The following CPSF4 variants were observed in gnomAD, a reference collection of about 807,000 sequenced individuals.
CPSF4 encodes the protein cleavage and polyadenylation specificity factor subunit 4.
CPSF4 carries 11 observed loss-of-function variants against 37.7 expected under a neutral mutation model. The observed-to-expected ratio is 0.29, with a 90% CI of 0.18 to 0.48. The LOEUF (loss-of-function observed/expected upper bound fraction) is 0.48, where lower values mean the gene tolerates loss of function less well. CPSF4 is among the 20% of genes least tolerant of loss of function. The pLI is 0.99. For synonymous variants in CPSF4, 132 were observed against 135.9 expected (o/e 0.97, Z 0.20); for missense variants, 144 against 359.5 (o/e 0.40, Z 4.85).
chr7:99,444,339 C>T (rs1266960347), intron 1 of CPSF4, among the ~76,000 whole-genome samples: 1 of 152,098 alleles, frequency 6.6e-6, no homozygotes, highest in Non-Finnish European at 1.5e-5. Flanking sequence ...CACCTGTAAT[C>T]CCAGCTACTT....
chr7:99,441,938 C>T (rs1176770046), intron 1 of CPSF4, among the ~76,000 whole-genome samples: 1 of 152,018 alleles, frequency 6.6e-6, no homozygotes, highest in East Asian at 1.9e-4. Flanking sequence ...GTGATCCACC[C>T]GCCTCAGCCT....
chr7:99,443,345 A>C (rs1797190996), intron 1 of CPSF4: 2 of 1,061,586 alleles, frequency 1.9e-6, no homozygotes, highest in Non-Finnish European at 2.9e-6. Flanking sequence ...GTACATCTTC[A>C]TTTGCCTCCT....
Position 99,450,738 on chromosome 7 carries a change from T to C in CPSF4, c.440T>C (p.Ile147Thr). 6.2e-7 allele frequency: 1 copy of C among 1,614,154 alleles called. No individual in the cohort carries two copies. Among genetic ancestry groups the C allele is most frequent in the Non-Finnish European group, 8.5e-7 (1 of 1,180,002 alleles). ...AGGCACCGGCACACACGGAGAGTCATCTGTGTGAATTACCTCGTGGGATTC... is the reference window on the plus strand; with the variant it reads ...AGGCACCGGCACACACGGAGAGTCACCTGTGTGAATTACCTCGTGGGATTC... ...LCRHRHTRRV[I>T]CVNYLVGFCP... Residue 147 changes from isoleucine to threonine, a missense_variant, in exon 5 of 8, where the codon ATC (isoleucine) becomes ACC (threonine). By Grantham distance (89) the Ile-to-Thr change is moderately conservative. Transcript: ENST00000292476.
intron 2 of CPSF4, among the ~76,000 whole-genome samples, chr7:99,446,861 T>C (rs1473266524): frequency 6.8e-6 from 1 of 146,172 alleles, no homozygotes; most frequent in Non-Finnish European, 1.5e-5. Context: ...GTCATCTTGG[T>C]TCACTGCAAC....
intron 1 of CPSF4, chr7:99,441,274 C>T: frequency 2.6e-6 from 1 of 388,724 alleles, no homozygotes; most frequent in South Asian, 1.9e-5. Context: ...CTTGATGGCA[C>T]TAGCTTGAGA....
At chr7:99,455,338 C>G (rs962128636) in intron 7 of CPSF4, among the ~76,000 whole-genome samples, 2 of 152,182 alleles carry the variant, frequency 1.3e-5, no homozygotes, top group Admixed American at 1.3e-4. Flanking sequence ...CCCCAGCCAT[C>G]ATGTTAGCCC....
rs543627040 is a variant in CPSF4 at position 99,452,037 on chromosome 7, A to G, written c.498-331A>G. Among the ~76,000 whole-genome samples, 21 of 152,282 alleles carry G rather than the reference A, an allele frequency of 1.4e-4. No homozygotes were observed. The East Asian group carries it at 3.9e-3, about 28-fold the overall frequency. ...CGGGGAGGGGGGCTTCCCTGTGTAC[A>G]GCTCCTGTGGCGCAGCAGGCACGCA... On this transcript the variant is annotated intron_variant, in intron 5 of 7. Coordinates refer to ENST00000292476, the MANE Select transcript of CPSF4 (RefSeq NM_006693.4).
chr7:99,440,676 T>TATATATATATATATATATATATATA (rs1562852973), intron 1 of CPSF4, among the ~76,000 whole-genome samples: 6 of 62,196 alleles, frequency 9.6e-5, no homozygotes, highest in African/African-American at 9.1e-4. Flanking sequence ...ATATATATAT[T>TATATATATATATATATATATATATA]TTTTTTTTTT....
chr7:99,450,421 C>T (rs1219600684), intron 4 of CPSF4, 50 bp downstream of exon 4: 2 of 1,332,948 alleles, frequency 1.5e-6, no homozygotes, highest in East Asian at 2.3e-5. Flanking sequence ...GTCCTCCCTT[C>T]TCTGCCCACG....
At chr7:99,449,871 G>A (rs1469164251) in intron 3 of CPSF4, among the ~76,000 whole-genome samples, 1 of 152,142 alleles carries the variant, frequency 6.6e-6, no homozygotes, top group Non-Finnish European at 1.5e-5. Flanking sequence ...CTGCGGAGGG[G>A]CCTGGGGAAG....
chr7:99,444,098 G>C (rs1048773855), intron 1 of CPSF4, among the ~76,000 whole-genome samples: 2 of 152,120 alleles, frequency 1.3e-5, no homozygotes, highest in African/African-American at 4.8e-5. Context: ...CCTTCCCTCT[G>C]CCTCATGTTA....
chr7:99,439,921 CCAGCAG>C (rs1796737004), intron 1 of CPSF4, among the ~76,000 whole-genome samples: 2 of 152,118 alleles, frequency 1.3e-5, no homozygotes, highest in South Asian at 4.1e-4. Flanking sequence ...TTCATCACAC[CCAGCAG>C]CTGGTGTGGA....
At chr7:99,454,202 C>A in intron 7 of CPSF4, 66 bp downstream of exon 7, 1 of 1,375,630 alleles carries the variant, frequency 7.3e-7, no homozygotes. Context: ...TCCCTCATGC[C>A]CCATGTGTTT....
At position 99,448,072 on chromosome 7, in the gene CPSF4, G is replaced by A. The variant is rs1797671595; in HGVS notation, c.155-49G>A. The A allele has an allele frequency of 2.5e-6, 4 of 1,600,554 alleles. No individual in the cohort carries two copies. Among genetic ancestry groups the A allele is most frequent in the Non-Finnish European group, 2.6e-6 (3 of 1,172,100 alleles). ...CAGCTTCTTCAGGCCGTGTCCCCCA[G>A]GCTCAGGGTGGCCTCTCTGCTGACA... On this transcript the variant is annotated intron_variant, in intron 2 of 7. Transcript: ENST00000292476. The surrounding 1 kb of genome is among the most constrained non-coding windows in gnomAD (Gnocchi z 4.4).
intron 1 of CPSF4, chr7:99,443,532 G>A (rs961691673): frequency 6.0e-6 from 4 of 665,046 alleles, no homozygotes; most frequent in Non-Finnish European, 1.1e-5. Flanking sequence ...TTTAATAATT[G>A]TATGTGGGGT....
intron 7 of CPSF4, among the ~76,000 whole-genome samples, chr7:99,455,168 T>G (rs1272126423): frequency 6.6e-6 from 1 of 152,226 alleles, no homozygotes; most frequent in Non-Finnish European, 1.5e-5. Context: ...CAAGCGCCCT[T>G]AAGTCCTGGA....
chr7:99,449,094 G>GT (rs1403037233), intron 3 of CPSF4: 6 of 152,526 alleles, frequency 3.9e-5, no homozygotes, highest in African/African-American at 1.4e-4. Flanking sequence ...GTGGGTCAGC[G>GT]TGAGGCTGGC....
chr7:99,448,344 C>A lies in CPSF4; in HGVS notation c.307+71C>A. On this transcript the variant is annotated intron_variant, in intron 3 of 7. Transcript: ENST00000292476. The surrounding 1 kb of genome is among the most constrained non-coding windows in gnomAD (Gnocchi z 4.4). ...AGAGGGGTCCGCTGGCTGCTCAGTG[C>A]CCACACTGTCTCTGCCTGCTTTTCC... 2.0e-6 allele frequency: 3 copies of A among 1,495,120 alleles called. No individual in the cohort carries two copies. Among genetic ancestry groups the A allele is most frequent in the Non-Finnish European group, 2.7e-6 (3 of 1,095,282 alleles). The allele number at this position is 1,495,120 out of a possible 1,614,324, so 92.6% of individuals were successfully genotyped here. A position where few individuals can be genotyped will look rare whatever the true frequency, so the allele number is the denominator to read the frequency against.
intron 2 of CPSF4, among the ~76,000 whole-genome samples, chr7:99,445,979 T>A (rs187904701): frequency 1.0e-3 from 156 of 152,326 alleles, no homozygotes; most frequent in Non-Finnish European, 1.3e-3. Flanking sequence ...GTAGGAAAAT[T>A]TATTTAGGAG....
Sources: allele counts gnomAD v4.1 joint callset (sites outside exome capture counted in the v4.1 genomes callset), GRCh38; gene constraint gnomAD v4.1.1; non-coding constraint Gnocchi (gnomAD v3.1); transcripts MANE v1.5; gene names NCBI Gene and HGNC (gene_info 2026-07-23, HGNC 2026-07-21).